DIS3L2: variants seen among roughly 807,000 people sequenced by gnomAD.
DIS3L2 encodes DIS3-like exonuclease 2.
DIS3L2 carries 34 observed loss-of-function variants against 97.5 expected under a neutral mutation model. That is an observed-to-expected ratio of 0.35 (90% CI 0.27 to 0.46). The LOEUF is 0.46. DIS3L2 is among the 20% of genes least tolerant of loss of function. The pLI is 1.00. For synonymous variants in DIS3L2, 435 were observed against 445.2 expected (o/e 0.98, Z 0.29); for missense variants, 1,038 against 1,146.0 (o/e 0.91, Z 1.36).
intron 9 of DIS3L2, among the ~76,000 whole-genome samples, chr2:232,163,883 T>A (rs1690728139): frequency 1.3e-5 from 2 of 152,238 alleles, no homozygotes; most frequent in Non-Finnish European, 1.5e-5. Flanking sequence ...AAAACAAGAA[T>A]AATGTTTTAT....
chr2:232,196,587 A>AG (rs1691764027), intron 9 of DIS3L2, among the ~76,000 whole-genome samples: 1 of 152,178 alleles, frequency 6.6e-6, no homozygotes, highest in African/African-American at 2.4e-5. Context: ...AAGACTTGAC[A>AG]GGAAAGCCCT....
intron 12 of DIS3L2, among the ~76,000 whole-genome samples, chr2:232,258,447 G>A (rs1362907067): frequency 5.3e-5 from 8 of 152,066 alleles, no homozygotes; most frequent in Admixed American, 5.2e-4. Flanking sequence ...AGCCGGGCAT[G>A]GTGGCATGTG....
intron 10 of DIS3L2, among the ~76,000 whole-genome samples, chr2:232,237,346 C>T (rs1056431968): frequency 6.6e-6 from 1 of 152,090 alleles, no homozygotes; most frequent in Admixed American, 6.6e-5. Flanking sequence ...AAGACAGCTC[C>T]ACCAGGAAGG....
intron 10 of DIS3L2, among the ~76,000 whole-genome samples, chr2:232,221,756 G>A (rs1047379769): frequency 3.3e-5 from 5 of 151,944 alleles, no homozygotes; most frequent in Non-Finnish European, 5.9e-5. Context: ...AGCCGAGATC[G>A]CACCAGTGTA....
intron 6 of DIS3L2, among the ~76,000 whole-genome samples, chr2:232,095,694 G>A (rs1265609443): frequency 1.3e-5 from 2 of 152,130 alleles, no homozygotes; most frequent in Non-Finnish European, 2.9e-5. Context: ...GCTCATTAAT[G>A]TTCTGTTCTT....
At chr2:232,338,323 C>T (rs1413098512), downstream of DIS3L2, among the ~76,000 whole-genome samples, 10 of 152,202 alleles carry the variant, frequency 6.6e-5, no homozygotes, top group Non-Finnish European at 1.0e-4. Context: ...ACACCTGTCC[C>T]TATGTCCCAG....
At chr2:232,000,681 T>C (rs1325863766) in intron 1 of DIS3L2, among the ~76,000 whole-genome samples, 1 of 149,254 alleles carries the variant, frequency 6.7e-6, no homozygotes, top group Admixed American at 6.7e-5. Flanking sequence ...TCTTTCTCTC[T>C]TTCTGTCTTT....
At chr2:232,128,378 G>GGAATAAAT (rs1698127375) in intron 6 of DIS3L2, among the ~76,000 whole-genome samples, 2 of 151,116 alleles carry the variant, frequency 1.3e-5, no homozygotes, top group African/African-American at 4.9e-5. Flanking sequence ...AAATACACAT[G>GGAATAAAT]GAATAAATGA....
rs1391766602 is a variant in DIS3L2, at chr2:232,179,825, A to T, written c.1124+16193A>T. ...CTCTATTTCCTTCAGTTCTGCTCTGATTTTAGTTATTTCTTGCCTTCTGCT... is the reference window on the plus strand; with the variant it reads ...CTCTATTTCCTTCAGTTCTGCTCTGTTTTTAGTTATTTCTTGCCTTCTGCT... On this transcript the variant is annotated intron_variant, in intron 9 of 20. Coordinates refer to ENST00000325385, the MANE Select transcript of DIS3L2 (RefSeq NM_152383.5). 2.4e-3 allele frequency among the ~76,000 whole-genome samples: 246 copies of T among 100,468 alleles called. 5 individuals are homozygous for T. Among genetic ancestry groups the T allele is most frequent in the African/African-American group, 0.014 (235 of 16,832 alleles). The allele number at this position is 100,468 out of a possible 152,430, so 65.9% of individuals were successfully genotyped here. A position where few individuals can be genotyped will look rare whatever the true frequency, so the allele number is the denominator to read the frequency against.
intron 1 of DIS3L2, among the ~76,000 whole-genome samples, chr2:231,988,861 AAAC>A (rs1559519119): frequency 6.6e-6 from 1 of 152,246 alleles, no homozygotes; most frequent in African/African-American, 2.4e-5. Context: ...TGTAAAATAA[AAAC>A]AAGTTTTTAT....
chr2:232,157,389 C>T (rs1421145793), intron 8 of DIS3L2, among the ~76,000 whole-genome samples: 1 of 152,206 alleles, frequency 6.6e-6, no homozygotes, highest in African/African-American at 2.4e-5. Flanking sequence ...GCACTCCCCC[C>T]TCACAACTGA....
chr2:232,135,323 A>G (rs1698326172), intron 7 of DIS3L2, among the ~76,000 whole-genome samples: 2 of 152,086 alleles, frequency 1.3e-5, no homozygotes, highest in African/African-American at 4.8e-5. Context: ...TGAGGCTGGA[A>G]GAGTAAAGGT....
downstream of DIS3L2, among the ~76,000 whole-genome samples, chr2:232,338,255 C>T (rs1696027632): frequency 6.6e-6 from 1 of 152,142 alleles, no homozygotes; most frequent in Non-Finnish European, 1.5e-5. Flanking sequence ...CCCTGTCCCC[C>T]AGGGCCTCCC....
chr2:232,335,526 C>T, intron 19 of DIS3L2: 1 of 541,184 alleles, frequency 1.8e-6, no homozygotes, highest in Non-Finnish European at 3.3e-6. Flanking sequence ...GACCCCCCAC[C>T]ACTTGCCCCC....
chr2:232,227,731 G>A lies in DIS3L2; in HGVS notation c.1205-10802G>A, dbSNP rs568093804. 3.5e-4 allele frequency among the ~76,000 whole-genome samples: 53 copies of A among 152,236 alleles called. 1 individual carries two copies. The highest frequency in any genetic ancestry group is 8.3e-4 in the South Asian group (4 of 4,824). On this transcript the variant is annotated intron_variant, in intron 10 of 20. Coordinates refer to ENST00000325385, the MANE Select transcript of DIS3L2 (RefSeq NM_152383.5). ...AAAGCCACTAAGGGTTTTTGTCACC[G>A]GAATATAAAGCAGTGAGCTTTTGCC...
At chr2:231,972,276 C>T (rs1692942085) in intron 1 of DIS3L2, among the ~76,000 whole-genome samples, 1 of 152,154 alleles carries the variant, frequency 6.6e-6, no homozygotes, top group Admixed American at 6.5e-5. Flanking sequence ...AAAGCAGTAA[C>T]ATAGCCACTT....
At chr2:232,055,491 TCTAA>T (rs1695522458) in intron 5 of DIS3L2, among the ~76,000 whole-genome samples, 1 of 152,212 alleles carries the variant, frequency 6.6e-6, no homozygotes. Flanking sequence ...CTAAAGATGC[TCTAA>T]CTAAATGGTC....
intron 1 of DIS3L2, among the ~76,000 whole-genome samples, chr2:231,977,212 T>C (rs922634993): frequency 6.6e-5 from 10 of 152,306 alleles, no homozygotes; most frequent in African/African-American, 2.4e-4. Context: ...GTTGAAAAAT[T>C]GTAAGTTGAA....
intron 13 of DIS3L2, among the ~76,000 whole-genome samples, chr2:232,270,837 C>T (rs1693967360): frequency 6.6e-6 from 1 of 152,058 alleles, no homozygotes; most frequent in African/African-American, 2.4e-5. Context: ...AGCTCTGGCG[C>T]ACTCGCGCGC....
Sources: gnomAD v4.1 joint callset for allele counts (sites outside exome capture counted in the v4.1 genomes callset) on GRCh38, gnomAD v4.1.1 for gene constraint, MANE v1.5 for transcripts, NCBI Gene and HGNC (gene_info 2026-07-23, HGNC 2026-07-21) for gene names.